The following CFAP157 variants were observed in gnomAD, a reference collection of about 807,000 sequenced individuals.
CFAP157 encodes the protein cilia and flagella associated protein 157, also known as cilia- and flagella-associated protein 157.
Under a neutral mutation model 57.8 loss-of-function variants are expected in CFAP157, and 43 were observed. That is an observed-to-expected ratio of 0.74 (90% CI 0.58 to 0.96). CFAP157 has a LOEUF of 0.96. CFAP157 is among the 40% of genes least tolerant of loss of function. The pLI is 0.00. For missense variants in CFAP157, 606 were observed against 655.3 expected (o/e 0.92, Z 0.82); for synonymous variants, 267 against 269.0 (o/e 0.99, Z 0.07).
chr9:127,707,328 C>T (rs1842669362), intron 1 of CFAP157, 136 bp downstream of exon 1: 1 of 874,206 alleles, frequency 1.1e-6, no homozygotes, highest in East Asian at 2.7e-5. Flanking sequence ...CCATCCCGAC[C>T]CCAGCCTCAT....
chr9:127,707,322 C>T, intron 1 of CFAP157, 130 bp downstream of exon 1: 1 of 935,114 alleles, frequency 1.1e-6, no homozygotes, highest in Non-Finnish European at 1.6e-6. Flanking sequence ...CAGACCCCAT[C>T]CCGACCCCAG....
chr9:127,709,533 C>T lies in CFAP157; in HGVS notation c.273C>T (p.Leu91=). 1 of 1,614,154 alleles carries T rather than the reference C, an allele frequency of 6.2e-7. No homozygotes were observed. The highest frequency in any genetic ancestry group is 1.1e-5 in the South Asian group (1 of 91,086). The change falls in exon 2 of 9, where the codon CTC becomes CTT. Residue 91 remains leucine (L), a synonymous_variant. Coordinates refer to ENST00000373295, the MANE Select transcript of CFAP157 (RefSeq NM_001012502.3). The surrounding 1 kb of genome is among the most constrained non-coding windows in gnomAD (Gnocchi z 4.7). ...KEIVAFLKRT[L]NQQVDEITDL... is the part of the protein sequence containing the mutation. ...TTGTGGCCTTCCTCAAGCGCACGCTCAACCAGCAGGTGGATGAGATCACAG... is the reference window on the plus strand; with the variant it reads ...TTGTGGCCTTCCTCAAGCGCACGCTTAACCAGCAGGTGGATGAGATCACAG...
In CFAP157 at chr9:127,714,048, G is replaced by C; in HGVS notation, c.*143G>C. ...AGGCTGGCGTGGCAGCTCTGTGGCAGTGGCTGGGTTGGTGGGCACTACAGT... is the reference window on the plus strand; with the variant it reads ...AGGCTGGCGTGGCAGCTCTGTGGCACTGGCTGGGTTGGTGGGCACTACAGT... On this transcript the variant is annotated 3_prime_UTR_variant, in exon 9 of 9. Coordinates refer to ENST00000373295, the MANE Select transcript of CFAP157 (RefSeq NM_001012502.3). 6.3e-7 allele frequency: 1 copy of C among 1,597,176 alleles called. No individual in the cohort carries two copies. The highest frequency in any genetic ancestry group is 8.6e-7 in the Non-Finnish European group (1 of 1,168,466).
intron 3 of CFAP157, 42 bp from the exon 4 acceptor site, chr9:127,711,187 C>T: frequency 6.3e-7 from 1 of 1,596,456 alleles, no homozygotes; most frequent in South Asian, 1.1e-5. Context: ...AGGGCTTGTG[C>T]CCGCTCTGTC....
chr9:127,712,047 C>A, intron 5 of CFAP157, 97 bp downstream of exon 5: 1 of 1,512,006 alleles, frequency 6.6e-7, no homozygotes, highest in Non-Finnish European at 8.9e-7. Context: ...CAGTGACTTC[C>A]CCTCTCTAGA....
At chr9:127,710,580 C>T in intron 2 of CFAP157, 21 bp from the exon 3 acceptor site, 3 of 1,567,864 alleles carry the variant, frequency 1.9e-6, no homozygotes, top group Non-Finnish European at 2.6e-6. Context: ...ATCATTGGGC[C>T]TTGTGCGCTG....
rs1225685704 is a variant in CFAP157 at position 127,715,567 on chromosome 9, G to T, written c.*1662G>T. 1 of 1,613,398 alleles carries T rather than the reference G, an allele frequency of 6.2e-7. No homozygotes were observed. The highest frequency in any genetic ancestry group is 1.7e-5 in the Admixed American group (1 of 60,008). Reference sequence around the variant, plus strand: ...ACCATCCACCGCTTCCCCGGGGGGCGAGGCTCCAAAACACATCGGCTCATG... The same window carrying T: ...ACCATCCACCGCTTCCCCGGGGGGCTAGGCTCCAAAACACATCGGCTCATG... On this transcript the variant is annotated 3_prime_UTR_variant, in exon 9 of 9. Transcript: ENST00000373295. This position sits in a 1 kb window ranked among gnomAD's most constrained non-coding sequence, Gnocchi z 5.8.
chr9:127,708,895 AAG>A (rs1436159266), intron 1 of CFAP157, among the ~76,000 whole-genome samples: 1 of 152,220 alleles, frequency 6.6e-6, no homozygotes, highest in Non-Finnish European at 1.5e-5. Context: ...GAAAGTGTGG[AAG>A]AGTTATGGAG....
chr9:127,714,134 C>G lies in CFAP157; in HGVS notation c.*229C>G, dbSNP rs758004584. On this transcript the variant is annotated 3_prime_UTR_variant, in exon 9 of 9. Transcript: ENST00000373295. ...CAGTGAGGGCCCCTGGCTTCGCTCA[C>G]GGATGTGGTCCAAGATCAGGTCGGT... 1 of 1,613,622 alleles carries G rather than the reference C, an allele frequency of 6.2e-7. No homozygotes were observed.
Position 127,715,952 on chromosome 9 carries a change from T to C in CFAP157, c.*2047T>C. 7.1e-6 allele frequency: 6 copies of C among 845,252 alleles called. No individual in the cohort carries two copies. Among genetic ancestry groups the C allele is most frequent in the Admixed American group, 2.6e-5 (1 of 38,092 alleles). The allele number at this position is 845,252 out of a possible 1,614,324, so 52.4% of individuals were successfully genotyped here. On this transcript the variant is annotated 3_prime_UTR_variant, in exon 9 of 9. Transcript: ENST00000373295. This position sits in a 1 kb window ranked among gnomAD's most constrained non-coding sequence, Gnocchi z 5.8. ...TTGCGGCGAAAATCTGGCAAGTCCTTTCCCCGCTGTAGGCCTCAACCTCTC... is the reference window on the plus strand; with the variant it reads ...TTGCGGCGAAAATCTGGCAAGTCCTCTCCCCGCTGTAGGCCTCAACCTCTC...
chr9:127,715,829 G>C lies in CFAP157; in HGVS notation c.*1924G>C. On this transcript the variant is annotated 3_prime_UTR_variant, in exon 9 of 9. Transcript: ENST00000373295. This position sits in a 1 kb window ranked among gnomAD's most constrained non-coding sequence, Gnocchi z 5.8. ...GAACCCAGGCGCCTTCAGTAGCGCG[G>C]CGTCACAGTGTCCCTTCGGGACTTG... is the stretch of plus-strand genomic sequence containing the variant. 1 of 1,123,974 alleles carries C rather than the reference G, an allele frequency of 8.9e-7. No individual in the cohort carries two copies. The highest frequency in any genetic ancestry group is 1.3e-6 in the Non-Finnish European group (1 of 795,204). The allele number at this position is 1,123,974 out of a possible 1,614,324, so 69.6% of individuals were successfully genotyped here. A position where few individuals can be genotyped will look rare whatever the true frequency, so the allele number is the denominator to read the frequency against.
rs1315627186 is a variant in CFAP157 at position 127,712,852 on chromosome 9, G to A, written c.1281G>A (p.Gln427=). 1.9e-6 allele frequency: 3 copies of A among 1,612,598 alleles called. No homozygotes were observed. The highest frequency in any genetic ancestry group is 2.7e-5 in the African/African-American group (2 of 74,916). Residue 427 remains glutamine, a synonymous_variant, in exon 7 of 9, where the codon CAG becomes CAA. Transcript: ENST00000373295. The stretch of plus-strand genomic sequence containing the variant: ...CTGCGTGTCCCCACCAGGAGTCACA[G>A]TCCCATGGCCCACCCAAGGAGAGGT... ...QKAACPHQES[Q]SHGPPKESRP... is the part of the protein sequence containing the mutation.
intron 7 of CFAP157, 57 bp from the exon 8 acceptor site, chr9:127,712,963 C>G (rs1325340756): frequency 2.2e-5 from 35 of 1,597,976 alleles, no homozygotes; most frequent in Non-Finnish European, 2.8e-5. Context: ...TCGGCTCACC[C>G]TGGGCCAGAA....
In CFAP157 at chr9:127,713,181, C is replaced by G; in HGVS notation, c.1466C>G (p.Thr489Ser). 4 of 1,566,950 alleles carry G rather than the reference C, an allele frequency of 2.6e-6. No individual in the cohort carries two copies. The highest frequency in any genetic ancestry group is 2.6e-6 in the Non-Finnish European group (3 of 1,156,458). The change falls in exon 8 of 9, where the codon ACC becomes AGC. Residue 489 changes from threonine to serine, a missense_variant. Coordinates refer to ENST00000373295, the MANE Select transcript of CFAP157 (RefSeq NM_001012502.3). ...CTGTCATATATCACCCGTGTGGGGA[C>G]CTTCCGGGCACACAGCAGCCCTGAG... Reference protein sequence around the residue: ...RLLSYITRVGTFRAHSSPEMR... With the variant: ...RLLSYITRVGSFRAHSSPEMR...
Position 127,712,830 on chromosome 9 carries a change from C to T in CFAP157, c.1259C>T (p.Ala420Val), listed in dbSNP as rs1318384829. 5.0e-6 allele frequency: 8 copies of T among 1,613,714 alleles called. No individual in the cohort carries two copies. Among genetic ancestry groups the T allele is most frequent in the East Asian group, 2.2e-5 (1 of 44,862 alleles). Residue 420 changes from alanine to valine, a missense_variant, in exon 7 of 9, where the codon GCG becomes GTG. Ala to Val is a moderately conservative substitution (Grantham distance 64). Coordinates refer to ENST00000373295, the MANE Select transcript of CFAP157 (RefSeq NM_001012502.3). ...STVATRPQKA[A>V]CPHQESQSHG... is the part of the protein sequence containing the mutation. ...GTGGCCACGAGACCTCAGAAGGCTG[C>T]GTGTCCCCACCAGGAGTCACAGTCC...
At chr9:127,707,640 T>TC (rs1842676649) in intron 1 of CFAP157, among the ~76,000 whole-genome samples, 1 of 152,214 alleles carries the variant, frequency 6.6e-6, no homozygotes, top group South Asian at 2.1e-4. Flanking sequence ...GGCCTCAGTT[T>TC]CCCCAAATAT....
At chr9:127,713,283 AG>A (rs1380847561) in intron 8 of CFAP157, 77 bp downstream of exon 8, 1 of 1,114,706 alleles carries the variant, frequency 9.0e-7, no homozygotes, top group Non-Finnish European at 1.3e-6. Flanking sequence ...GCCAGGCCAC[AG>A]CTGTGTGGCC....
At chr9:127,710,044 G>A (rs959168312) in intron 2 of CFAP157, among the ~76,000 whole-genome samples, 2 of 152,184 alleles carry the variant, frequency 1.3e-5, no homozygotes, top group African/African-American at 4.8e-5. Context: ...AGGCCAAGGC[G>A]GGAGGATTGC....
In CFAP157 at chr9:127,707,174, T is replaced by C. The variant is rs2131582263; in HGVS notation, c.143T>C (p.Leu48Pro). The part of the protein sequence containing the change: ...KEFYHIQIRD[L>P]EDRLARYQRK... ...TTCTACCACATCCAGATCCGAGACC[T>C]GGAGGACCGGCTAGCCCGGTGCGTG... The change falls in exon 1 of 9, where the codon CTG becomes CCG. Residue 48 changes from leucine to proline, a missense_variant. Transcript: ENST00000373295. 2 of 1,612,826 alleles carry C rather than the reference T, an allele frequency of 1.2e-6. No individual in the cohort carries two copies. Among genetic ancestry groups the C allele is most frequent in the Non-Finnish European group, 1.7e-6 (2 of 1,179,882 alleles).
Sources: gnomAD v4.1 joint callset for allele counts (sites outside exome capture counted in the v4.1 genomes callset) on GRCh38, gnomAD v4.1.1 for gene constraint, Gnocchi (gnomAD v3.1) non-coding constraint, MANE v1.5 for transcripts, NCBI Gene and HGNC (gene_info 2026-07-23, HGNC 2026-07-21) for gene names.